DGKB: variants seen among roughly 807,000 people sequenced by gnomAD.
DGKB encodes the protein diacylglycerol kinase beta.
A neutral mutation model predicts 114.3 loss-of-function variants in DGKB; 67 were observed. That is an observed-to-expected ratio of 0.59 (90% confidence interval 0.48 to 0.72). The LOEUF (loss-of-function observed/expected upper bound fraction) is 0.72, where lower values mean the gene tolerates loss of function less well. Among genes scored for constraint, DGKB ranks in the 30% least tolerant of loss-of-function variants. The pLI is 0.00. For missense variants in DGKB, 907 were observed against 975.2 expected (o/e 0.93, Z 0.93); for synonymous variants, 398 against 323.1 (o/e 1.23, Z -2.49).
chr7:14,691,435 T>G (rs1053026387), intron 9 of DGKB, among the ~76,000 whole-genome samples: 1 of 152,220 alleles, frequency 6.6e-6, no homozygotes, highest in Non-Finnish European at 1.5e-5. Flanking sequence ...GATAGATTCA[T>G]GGATCAAATT....
chr7:14,969,667 T>C (rs1305528281), intron 1 of DGKB, among the ~76,000 whole-genome samples: 2 of 152,060 alleles, frequency 1.3e-5, no homozygotes, highest in African/African-American at 4.8e-5. Flanking sequence ...TGCCTGATGA[T>C]CCCAAAACCA....
intron 15 of DGKB, 60 bp from the exon 16 acceptor site, chr7:14,613,473 C>T: frequency 1.2e-6 from 1 of 825,734 alleles, no homozygotes; most frequent in Non-Finnish European, 2.0e-6. Context: ...GAAGAAGACT[C>T]CTTGTTATTT....
intron 25 of DGKB, among the ~76,000 whole-genome samples, chr7:14,165,426 CA>C (rs960625296): frequency 2.0e-5 from 3 of 152,028 alleles, no homozygotes; most frequent in African/African-American, 4.8e-5. Context: ...CCACCTATCA[CA>C]AAAAAATGCG....
At chr7:14,779,343 C>T (rs1838723316) in intron 2 of DGKB, among the ~76,000 whole-genome samples, 1 of 151,964 alleles carries the variant, frequency 6.6e-6, no homozygotes, top group South Asian at 2.1e-4. Flanking sequence ...CAAGACCAGT[C>T]TGGGAAACAT....
At chr7:14,759,735 T>C (rs970288824) in intron 2 of DGKB, among the ~76,000 whole-genome samples, 4 of 152,194 alleles carry the variant, frequency 2.6e-5, no homozygotes. Context: ...TACACGTTTT[T>C]GTATAAACAT....
chr7:14,399,162 C>T (rs947130713), intron 21 of DGKB, among the ~76,000 whole-genome samples: 1 of 151,342 alleles, frequency 6.6e-6, no homozygotes, highest in Non-Finnish European at 1.5e-5. Flanking sequence ...ACTATTACCA[C>T]CATCATTACT....
intron 17 of DGKB, among the ~76,000 whole-genome samples, chr7:14,603,082 A>G (rs1026809307): frequency 6.6e-6 from 1 of 152,160 alleles, no homozygotes; most frequent in Non-Finnish European, 1.5e-5. Flanking sequence ...AAGGCAAGCA[A>G]TTATGTGACC....
At chr7:14,303,506 A>G (rs879552395) in intron 23 of DGKB, among the ~76,000 whole-genome samples, 2 of 152,028 alleles carry the variant, frequency 1.3e-5, no homozygotes, top group Non-Finnish European at 1.5e-5. Flanking sequence ...CTTACCTGCC[A>G]TATTTATTAT....
chr7:14,263,903 T>C (rs573087082), intron 23 of DGKB, among the ~76,000 whole-genome samples: 2 of 152,326 alleles, frequency 1.3e-5, no homozygotes, highest in Admixed American at 6.5e-5. Context: ...GTAATGCTGA[T>C]TATTTATTCT....
intron 23 of DGKB, among the ~76,000 whole-genome samples, chr7:14,205,464 T>G (rs2128295451): frequency 6.6e-6 from 1 of 152,082 alleles, no homozygotes; most frequent in Admixed American, 6.6e-5. Flanking sequence ...TATACATTGT[T>G]GGCCAGAGGG....
chr7:14,285,029 AT>A (rs1422862080), intron 23 of DGKB, among the ~76,000 whole-genome samples: 10 of 61,438 alleles, frequency 1.6e-4, no homozygotes, highest in Admixed American at 1.5e-3. Flanking sequence ...AAATAAAAAA[AT>A]AATAAAAAAA....
intron 25 of DGKB, among the ~76,000 whole-genome samples, chr7:14,156,976 T>C (rs1783115613): frequency 6.6e-6 from 1 of 152,170 alleles, no homozygotes; most frequent in South Asian, 2.1e-4. Context: ...AATAATATTA[T>C]GGTTCTTCAA....
intron 25 of DGKB, among the ~76,000 whole-genome samples, chr7:14,165,111 T>G (rs1322573825): frequency 6.6e-6 from 1 of 152,152 alleles, no homozygotes; most frequent in Non-Finnish European, 1.5e-5. Context: ...CCCTCCTTCC[T>G]TACAGATATC....
intron 1 of DGKB, among the ~76,000 whole-genome samples, chr7:14,925,637 A>C (rs1784706859): frequency 6.6e-6 from 1 of 152,044 alleles, no homozygotes; most frequent in Non-Finnish European, 1.5e-5. Flanking sequence ...GTACCTGAAT[A>C]TTTCATCTTC....
intron 1 of DGKB, among the ~76,000 whole-genome samples, chr7:14,923,465 C>G (rs1425494818): frequency 6.6e-6 from 1 of 152,148 alleles, no homozygotes; most frequent in Non-Finnish European, 1.5e-5. Context: ...ACTCAAAGCT[C>G]TGTTTCCTTA....
intron 20 of DGKB, among the ~76,000 whole-genome samples, chr7:14,549,265 T>C (rs1794765051): frequency 1.3e-5 from 2 of 152,018 alleles, no homozygotes; most frequent in African/African-American, 4.8e-5. Context: ...ACATCAAGGG[T>C]GACCATAGCC....
At chr7:14,826,268 C>T (rs755090308) in intron 2 of DGKB, among the ~76,000 whole-genome samples, 27 of 152,182 alleles carry the variant, frequency 1.8e-4, no homozygotes, top group Middle Eastern at 3.4e-3. Context: ...GTGGGACTCT[C>T]GATGCTTTCA....
At chr7:14,527,468 C>T (rs1790832554) in intron 20 of DGKB, among the ~76,000 whole-genome samples, 1 of 151,950 alleles carries the variant, frequency 6.6e-6, no homozygotes, top group Non-Finnish European at 1.5e-5. Flanking sequence ...ATAGAATAAA[C>T]ATCCAAATTT....
At chr7:14,840,634 T>C (rs1847796720) in intron 2 of DGKB, among the ~76,000 whole-genome samples, 1 of 151,960 alleles carries the variant, frequency 6.6e-6, no homozygotes, top group Admixed American at 6.6e-5. Context: ...GACACCTCTT[T>C]CTTTTACAAC....
Sources: gnomAD v4.1 joint callset for allele counts (sites outside exome capture counted in the v4.1 genomes callset) on GRCh38, gnomAD v4.1.1 for gene constraint, MANE v1.5 for transcripts, NCBI Gene and HGNC (gene_info 2026-07-23, HGNC 2026-07-21) for gene names.